MARCHF1: variants seen among roughly 807,000 people sequenced by gnomAD.
MARCHF1 encodes E3 ubiquitin-protein ligase MARCHF1.
MARCHF1 carries 40 observed loss-of-function variants against 54.2 expected under a neutral mutation model. The ratio of observed to expected loss-of-function variants is 0.74; its 90% CI spans 0.57 to 0.96. The LOEUF is 0.96. Among genes scored for constraint, MARCHF1 ranks in the 40% least tolerant of loss-of-function variants. The pLI, the probability that MARCHF1 is intolerant of heterozygous loss-of-function variation, is 0.00. For missense variants in MARCHF1, 586 were observed against 656.5 expected (o/e 0.89, Z 1.17); for synonymous variants, 236 against 236.3 (o/e 1.00, Z 0.01).
intron 3 of MARCHF1, among the ~76,000 whole-genome samples, chr4:163,860,773 G>C (rs1276504383): frequency 4.6e-5 from 7 of 152,170 alleles, no homozygotes; most frequent in African/African-American, 1.7e-4. Flanking sequence ...AAAGGCAACA[G>C]GATAGACAAA....
intron 2 of MARCHF1, among the ~76,000 whole-genome samples, chr4:164,005,137 T>C (rs1385283458): frequency 1.3e-5 from 2 of 152,004 alleles, no homozygotes; most frequent in African/African-American, 4.8e-5. Flanking sequence ...TTACTATATA[T>C]TTAACAAATG....
intron 1 of MARCHF1, among the ~76,000 whole-genome samples, chr4:164,240,042 G>T (rs1418711086): frequency 6.6e-6 from 1 of 152,150 alleles, no homozygotes; most frequent in African/African-American, 2.4e-5. Flanking sequence ...ACATTTTCTA[G>T]GTGCTAAGCA....
At chr4:164,044,728 G>A (rs1754204891) in intron 2 of MARCHF1, among the ~76,000 whole-genome samples, 2 of 151,902 alleles carry the variant, frequency 1.3e-5, no homozygotes, top group African/African-American at 4.8e-5. Context: ...AGAGTCTATA[G>A]TGTTTATATA....
chr4:163,569,773 T>C (rs904030891), intron 8 of MARCHF1, among the ~76,000 whole-genome samples: 7 of 152,164 alleles, frequency 4.6e-5, no homozygotes, highest in African/African-American at 1.7e-4. Flanking sequence ...GTAAGAGAAG[T>C]CTTTCAGGTA....
chr4:164,116,147 C>T (rs796272743), intron 1 of MARCHF1, among the ~76,000 whole-genome samples: 2 of 152,028 alleles, frequency 1.3e-5, no homozygotes, highest in African/African-American at 4.8e-5. Context: ...TAAATTAAGG[C>T]CTTCATATCA....
intron 5 of MARCHF1, among the ~76,000 whole-genome samples, chr4:163,667,750 C>G (rs938729540): frequency 6.6e-6 from 1 of 151,906 alleles, no homozygotes; most frequent in African/African-American, 2.4e-5. Context: ...CTCAGCCTCC[C>G]GAGTAACTGG....
chr4:163,880,695 C>T (rs1750395359), intron 3 of MARCHF1, among the ~76,000 whole-genome samples: 1 of 151,930 alleles, frequency 6.6e-6, no homozygotes, highest in South Asian at 2.1e-4. Context: ...ATTATCAAGA[C>T]ATAGATATTA....
At chr4:164,242,048 G>A (rs1157951721) in intron 1 of MARCHF1, among the ~76,000 whole-genome samples, 1 of 152,218 alleles carries the variant, frequency 6.6e-6, no homozygotes, top group Non-Finnish European at 1.5e-5. Context: ...GCGAGGCAGG[G>A]GGAGGGGCGC....
At position 163,670,394 on chromosome 4, in the gene MARCHF1, CTAT is replaced by C. The variant is rs1743695283; in HGVS notation, c.162+30416_162+30418del. ...TCTATCTATCTATCTGTCTGTCTAT[CTAT>C]CTATCTATCTATCTATCTATCTATG... On this transcript the variant is annotated intron_variant, in intron 5 of 9. Coordinates refer to ENST00000514618, the MANE Select transcript of MARCHF1 (RefSeq NM_001394959.1). 7.3e-5 allele frequency among the ~76,000 whole-genome samples: 10 copies of C among 136,882 alleles called. No homozygotes were observed. In the South Asian group the frequency reaches 2.1e-3, roughly 29 times the overall value. The allele number at this position is 136,882 out of a possible 152,430, so 89.8% of individuals were successfully genotyped here.
chr4:164,170,263 G>C (rs569409709), intron 1 of MARCHF1, among the ~76,000 whole-genome samples: 1 of 152,038 alleles, frequency 6.6e-6, no homozygotes, highest in African/African-American at 2.4e-5. Context: ...TGGACACAGA[G>C]CTTTAGCATA....
intron 1 of MARCHF1, among the ~76,000 whole-genome samples, chr4:164,121,103 A>C (rs530949839): frequency 1.3e-5 from 2 of 152,216 alleles, no homozygotes; most frequent in East Asian, 3.9e-4. Flanking sequence ...AAAAGAGATA[A>C]GATTGAAATA....
chr4:163,677,964 C>T (rs1743972796), intron 5 of MARCHF1, among the ~76,000 whole-genome samples: 1 of 152,186 alleles, frequency 6.6e-6, no homozygotes. Context: ...AGGATGAATT[C>T]ATTCATGAGT....
chr4:163,644,872 G>A (rs946904093), intron 5 of MARCHF1, among the ~76,000 whole-genome samples: 1 of 152,130 alleles, frequency 6.6e-6, no homozygotes, highest in Non-Finnish European at 1.5e-5. Flanking sequence ...TTCAGCTCCA[G>A]TCCCTGTAAA....
chr4:163,980,571 A>G (rs1441853974), intron 3 of MARCHF1, among the ~76,000 whole-genome samples: 1 of 152,190 alleles, frequency 6.6e-6, no homozygotes, highest in Non-Finnish European at 1.5e-5. Flanking sequence ...CTTTAATTCT[A>G]AAGCATGAAG....
At chr4:163,620,567 C>CCA (rs138692310) in intron 5 of MARCHF1, among the ~76,000 whole-genome samples, 5,977 of 119,994 alleles carry the variant, frequency 0.05, 212 homozygotes, top group South Asian at 0.066. Context: ...ATGAGGTACA[C>CCA]CACACACACA....
At chr4:163,980,512 C>G (rs1327214890) in intron 3 of MARCHF1, among the ~76,000 whole-genome samples, 1 of 151,888 alleles carries the variant, frequency 6.6e-6, no homozygotes, top group African/African-American at 2.4e-5. Flanking sequence ...CCAAAATTGA[C>G]AAATGGGATC....
intron 8 of MARCHF1, among the ~76,000 whole-genome samples, chr4:163,579,684 T>C (rs907853641): frequency 1.3e-5 from 2 of 152,150 alleles, no homozygotes; most frequent in African/African-American, 4.8e-5. Flanking sequence ...ACGGAATGAA[T>C]ATGCATTGTG....
At chr4:164,373,910 A>G (rs778694877) in intron 1 of MARCHF1, among the ~76,000 whole-genome samples, 12 of 152,176 alleles carry the variant, frequency 7.9e-5, no homozygotes, top group Non-Finnish European at 1.8e-4. Context: ...TAGATTACTC[A>G]TTTATCACCA....
At chr4:163,536,198 G>A (rs192347588) in intron 9 of MARCHF1, among the ~76,000 whole-genome samples, 46 of 152,240 alleles carry the variant, frequency 3.0e-4, no homozygotes, top group African/African-American at 1.1e-3. Context: ...TGTTTAGAAA[G>A]CTTTAACCAC....
Sources: gnomAD v4.1 joint callset for allele counts (sites outside exome capture counted in the v4.1 genomes callset) on GRCh38, gnomAD v4.1.1 for gene constraint, MANE v1.5 for transcripts, NCBI Gene and HGNC (gene_info 2026-07-23, HGNC 2026-07-21) for gene names.